Variants in TNRC6B observed in about 807,000 individuals in gnomAD.
TNRC6B encodes the protein trinucleotide repeat-containing gene 6B protein.
TNRC6B carries 52 observed loss-of-function variants against 203.6 expected under a neutral mutation model. The ratio of observed to expected loss-of-function variants is 0.26; its 90% CI spans 0.20 to 0.32. TNRC6B has a LOEUF of 0.32. Ranked by LOEUF, TNRC6B falls within the 10% of genes least tolerant of loss-of-function variation. The probability of loss-of-function intolerance (pLI) is 1.00; values close to 1 mark genes in which losing one functional copy is unlikely to be tolerated. For synonymous variants in TNRC6B, 838 were observed against 845.7 expected (o/e 0.99, Z 0.16); for missense variants, 1,923 against 2,286.2 (o/e 0.84, Z 3.24).
At position 40,324,587 on chromosome 22, in the gene TNRC6B, T is replaced by C. The variant is rs918411218; in HGVS notation, c.*1346T>C. The C allele has an allele frequency of 6.5e-6, 1 of 152,678 alleles. No homozygotes were observed. The highest frequency in any genetic ancestry group is 2.4e-5 in the African/African-American group (1 of 41,466). The allele number at this position is 152,678 out of a possible 1,614,324, so 9.5% of individuals were successfully genotyped here. On this transcript the variant is annotated 3_prime_UTR_variant, in exon 23 of 23. Coordinates refer to ENST00000454349, the MANE Select transcript of TNRC6B (RefSeq NM_001162501.2). ...TGAAAGCATCTGCAGCTACTCCCTC[T>C]GCTCCTTTCTCGCCGAGCGTTACCT... is the stretch of plus-strand genomic sequence containing the variant.
At chr22:40,100,261 T>C (rs2068226469) in intron 1 of TNRC6B, among the ~76,000 whole-genome samples, 1 of 151,950 alleles carries the variant, frequency 6.6e-6, no homozygotes, top group Non-Finnish European at 1.5e-5. Flanking sequence ...TAATTTTTTT[T>C]GTATTTTTAG....
At chr22:40,226,253 G>A (rs1241014468) in intron 1 of TNRC6B, among the ~76,000 whole-genome samples, 1 of 152,166 alleles carries the variant, frequency 6.6e-6, no homozygotes, top group Non-Finnish European at 1.5e-5. Context: ...CAAATTAAGA[G>A]CATTGAGAAG....
At position 40,046,846 on chromosome 22, in the gene TNRC6B, C is replaced by T. The variant is rs539281785; in HGVS notation, c.-121+1848C>T. 4.8e-3 allele frequency among the ~76,000 whole-genome samples: 726 copies of T among 152,058 alleles called. 7 individuals are homozygous for T. The highest frequency in any genetic ancestry group is 0.017 in the Middle Eastern group (5 of 294). ...ATTTTTAGTAGAGACGGCGTTTCACCATGTTAGCCAGGATGGTCTCGATCT... is the reference window on the plus strand; with the variant it reads ...ATTTTTAGTAGAGACGGCGTTTCACTATGTTAGCCAGGATGGTCTCGATCT... On this transcript the variant is annotated intron_variant, in intron 1 of 23. Transcript: ENST00000301923.
rs745388114 is a variant in TNRC6B at position 40,265,546 on chromosome 22, G to C, written c.1316G>C (p.Gly439Ala). 6.2e-7 allele frequency: 1 copy of C among 1,613,896 alleles called. No homozygotes were observed. Among genetic ancestry groups the C allele is most frequent in the East Asian group, 2.2e-5 (1 of 44,862 alleles). The change falls in exon 5 of 23, where the codon GGA becomes GCA. Residue 439 changes from glycine (G) to alanine (A), a missense_variant. This residue lies in a region of TNRC6B where 614 missense variants were observed against 587.7 expected (regional missense o/e 1.04). Coordinates refer to ENST00000454349, the MANE Select transcript of TNRC6B (RefSeq NM_001162501.2). ...CCTTCTGGAACTGACACAGTCTCTGGACAAAGCAATTCTGGAAACAATGGG... is the reference window on the plus strand; with the variant it reads ...CCTTCTGGAACTGACACAGTCTCTGCACAAAGCAATTCTGGAAACAATGGG... ...RGPSGTDTVS[G>A]QSNSGNNGNN...
intron 3 of TNRC6B, among the ~76,000 whole-genome samples, chr22:40,260,241 A>G (rs927460913): frequency 4.0e-5 from 6 of 151,730 alleles, no homozygotes; most frequent in African/African-American, 1.2e-4. Context: ...GATTTGTAAC[A>G]TTTCTAGTAT....
intron 1 of TNRC6B, among the ~76,000 whole-genome samples, chr22:40,188,601 G>T (rs2069235088): frequency 6.6e-6 from 1 of 152,194 alleles, no homozygotes; most frequent in Non-Finnish European, 1.5e-5. Flanking sequence ...CTTGTGATCA[G>T]TTGCTGCCTC....
At chr22:40,062,994 T>G (rs2146273171) in intron 1 of TNRC6B, among the ~76,000 whole-genome samples, 1 of 152,286 alleles carries the variant, frequency 6.6e-6, no homozygotes, top group East Asian at 1.9e-4. Flanking sequence ...ATGTAGACTT[T>G]GCTTAACCTA....
rs1373622685 is a variant in TNRC6B at position 40,326,308 on chromosome 22, C to T, written c.*3067C>T. On this transcript the variant is annotated 3_prime_UTR_variant, in exon 23 of 23. Coordinates refer to ENST00000454349, the MANE Select transcript of TNRC6B (RefSeq NM_001162501.2). ...CTTCAGAAAGTTTAAACAATTTTTA[C>T]TTAAAAAAATGTAAAAAGAAAAGTC... The T allele has an allele frequency of 1.3e-5, 2 of 152,388 alleles. No individual in the cohort carries two copies. Among genetic ancestry groups the T allele is most frequent in the Non-Finnish European group, 2.9e-5 (2 of 68,000 alleles). 9.4% of individuals were successfully genotyped at this position (152,388 alleles called of 1,614,324 possible). A position where few individuals can be genotyped will look rare whatever the true frequency, so the allele number is the denominator to read the frequency against.
chr22:40,276,329 A>G (rs1395409558), intron 7 of TNRC6B, among the ~76,000 whole-genome samples: 2 of 151,446 alleles, frequency 1.3e-5, no homozygotes, highest in African/African-American at 4.9e-5. Context: ...CCTGGGTGAC[A>G]GAGAAAAAAA....
chr22:40,285,302 G>A (rs1048427988), intron 11 of TNRC6B, among the ~76,000 whole-genome samples: 1 of 152,172 alleles, frequency 6.6e-6, no homozygotes, highest in African/African-American at 2.4e-5. Context: ...TATAAAGTTT[G>A]AGAATAAATT....
chr22:40,175,980 G>A (rs1199875061), upstream of TNRC6B, among the ~76,000 whole-genome samples: 2 of 152,194 alleles, frequency 1.3e-5, no homozygotes, highest in Non-Finnish European at 2.9e-5. Context: ...TCCTTTTCAA[G>A]GAAAGCCGGG....
intron 1 of TNRC6B, 35 bp downstream of exon 1, chr22:40,178,175 G>C (rs377311208): frequency 2.5e-6 from 4 of 1,610,446 alleles, no homozygotes; most frequent in Non-Finnish European, 3.4e-6. Flanking sequence ...TTAACCAATT[G>C]ATTTATATGG....
chr22:40,100,265 T>G (rs2068226505), intron 1 of TNRC6B, among the ~76,000 whole-genome samples: 1 of 151,852 alleles, frequency 6.6e-6, no homozygotes, highest in Non-Finnish European at 1.5e-5. Context: ...TTTTTTTGTA[T>G]TTTTAGTAGA....
chr22:40,247,283 A>C (rs2070122056), intron 2 of TNRC6B, among the ~76,000 whole-genome samples: 1 of 152,166 alleles, frequency 6.6e-6, no homozygotes. Context: ...GGTGCTAGTT[A>C]ATTGAAGCTA....
intron 21 of TNRC6B, 68 bp downstream of exon 21, chr22:40,316,080 C>T: frequency 1.4e-6 from 2 of 1,430,946 alleles, no homozygotes; most frequent in South Asian, 2.4e-5. Context: ...AAAGGTTGGG[C>T]ATGGTGGCTC....
Position 40,100,066 on chromosome 22 carries a change from T to A in TNRC6B, c.-120-16989T>A, listed in dbSNP as rs9611264. Among the ~76,000 whole-genome samples the A allele has an allele frequency of 3.3e-3, 269 of 81,414 alleles. 1 individual carries two copies. Among genetic ancestry groups the A allele is most frequent in the African/African-American group, 0.012 (217 of 17,834 alleles). 53.4% of individuals were successfully genotyped at this position (81,414 alleles called of 152,430 possible). On this transcript the variant is annotated intron_variant, in intron 1 of 23. Coordinates refer to the TNRC6B transcript ENST00000301923. Reference sequence around the variant, plus strand: ...GCGCCTGGCCCCTCCATTTTATTTTTATTATTTATTTATTTATTTATTTAT... The same window carrying A: ...GCGCCTGGCCCCTCCATTTTATTTTAATTATTTATTTATTTATTTATTTAT...
At chr22:40,218,697 G>A (rs139418085) in intron 1 of TNRC6B, among the ~76,000 whole-genome samples, 17 of 152,260 alleles carry the variant, frequency 1.1e-4, no homozygotes, top group Non-Finnish European at 2.2e-4. Context: ...TGTTTAACAA[G>A]CATTTATTTA....
Position 40,330,135 on chromosome 22 carries a change from T to G in TNRC6B, c.*6894T>G, listed in dbSNP as rs1218569243. 6.6e-6 allele frequency: 1 copy of G among 152,254 alleles called. No homozygotes were observed. The highest frequency in any genetic ancestry group is 1.5e-5 in the Non-Finnish European group (1 of 68,042). The allele number at this position is 152,254 out of a possible 1,614,324, so 9.4% of individuals were successfully genotyped here. On this transcript the variant is annotated 3_prime_UTR_variant, in exon 23 of 23. Coordinates refer to ENST00000454349, the MANE Select transcript of TNRC6B (RefSeq NM_001162501.2). Reference sequence around the variant, plus strand: ...CATTGCTTTGGAAATAAATTCCCAATTATAATTGACCCATATCTAGCCAAT... The same window carrying G: ...CATTGCTTTGGAAATAAATTCCCAAGTATAATTGACCCATATCTAGCCAAT...
intron 1 of TNRC6B, among the ~76,000 whole-genome samples, chr22:40,080,094 C>CT (rs772109662): frequency 0.25 from 28,994 of 113,714 alleles, 5,804 homozygotes; most frequent in African/African-American, 0.47. Flanking sequence ...CGTGCCTGGC[C>CT]TTTTTTTTTT....
Sources: allele counts gnomAD v4.1 joint callset (sites outside exome capture counted in the v4.1 genomes callset), GRCh38; gene constraint gnomAD v4.1.1; regional missense constraint gnomAD v4.1.1; transcripts MANE v1.5; gene names NCBI Gene and HGNC (gene_info 2026-07-23, HGNC 2026-07-21).